SMYD3: variants seen among roughly 807,000 people sequenced by gnomAD.
SMYD3 encodes the protein SET and MYND domain containing 3, also known as histone-lysine N-methyltransferase SMYD3.
Under a neutral mutation model 57.7 loss-of-function variants are expected in SMYD3, and 36 were observed. That is an observed-to-expected ratio of 0.62 (90% CI 0.48 to 0.82). SMYD3 has a LOEUF of 0.82. Among genes scored for constraint, SMYD3 ranks in the 40% least tolerant of loss-of-function variants. The probability of loss-of-function intolerance (pLI) is 0.00; values close to 1 mark genes in which losing one functional copy is unlikely to be tolerated. For synonymous variants in SMYD3, 211 were observed against 195.0 expected, an observed-to-expected ratio of 1.08 and a Z score of -0.68; for missense variants, 515 against 538.8, an observed-to-expected ratio of 0.96 and a Z score of 0.44.
At chr1:246,420,192 G>C (rs1165155639) in intron 1 of SMYD3, among the ~76,000 whole-genome samples, 1 of 142,266 alleles carries the variant, frequency 7.0e-6, no homozygotes, top group Non-Finnish European at 1.5e-5. Context: ...GAGCAAGACT[G>C]TCTCAAAAAA....
At chr1:245,836,258 CA>C (rs1454845459) in intron 10 of SMYD3, among the ~76,000 whole-genome samples, 2 of 152,216 alleles carry the variant, frequency 1.3e-5, no homozygotes, top group Admixed American at 6.5e-5. Context: ...CAGTCCAAGA[CA>C]GCCTGGTTTC....
chr1:246,089,044 C>T (rs60057772), intron 5 of SMYD3, among the ~76,000 whole-genome samples: 11,777 of 152,076 alleles, frequency 0.077, 1,358 homozygotes, highest in African/African-American at 0.25. Context: ...AGTGCAGTGG[C>T]GTAAACACGG....
chr1:246,295,224 G>C (rs949169988), intron 5 of SMYD3, among the ~76,000 whole-genome samples: 12 of 152,074 alleles, frequency 7.9e-5, no homozygotes, highest in African/African-American at 2.9e-4. Context: ...ACGTTCTTTA[G>C]TGTCAGAGAC....
chr1:246,404,950 G>A (rs2066837297), intron 1 of SMYD3, among the ~76,000 whole-genome samples: 1 of 151,844 alleles, frequency 6.6e-6, no homozygotes, highest in Non-Finnish European at 1.5e-5. Flanking sequence ...CATTTATGAG[G>A]TACAGCATGA....
At chr1:246,313,231 T>C (rs1156974442) in intron 5 of SMYD3, among the ~76,000 whole-genome samples, 1 of 152,170 alleles carries the variant, frequency 6.6e-6, no homozygotes, top group African/African-American at 2.4e-5. Flanking sequence ...CCATAAAATC[T>C]TGGCCAAATG....
chr1:246,259,036 T>G (rs917131486), intron 5 of SMYD3, among the ~76,000 whole-genome samples: 1 of 152,230 alleles, frequency 6.6e-6, no homozygotes, highest in Non-Finnish European at 1.5e-5. Flanking sequence ...ATTTTTAAAT[T>G]TCTTAAGTGA....
intron 5 of SMYD3, among the ~76,000 whole-genome samples, chr1:246,105,798 T>C (rs1445532030): frequency 1.3e-5 from 2 of 152,174 alleles, no homozygotes; most frequent in Non-Finnish European, 2.9e-5. Context: ...GTTAATCAAA[T>C]GGGCACTGCC....
At position 246,335,576 on chromosome 1, in the gene SMYD3, C is replaced by T. The variant is rs560094113; in HGVS notation, c.229-102G>A. The T allele has an allele frequency of 1.8e-5, 15 of 820,540 alleles. No individual in the cohort carries two copies. In the South Asian group the frequency reaches 2.3e-4, roughly 13 times the overall value. 50.8% of individuals were successfully genotyped at this position (820,540 alleles called of 1,614,324 possible). ...GTCATAAACATTAAATTTTAATAGT[C>T]CAAATGTAACTGCACAATAGAAAAT... is the stretch of plus-strand genomic sequence containing the variant. On this transcript the variant is annotated intron_variant, in intron 2 of 11. Transcript: ENST00000490107.
At chr1:245,895,833 G>A (rs1368687845) in intron 8 of SMYD3, among the ~76,000 whole-genome samples, 1 of 152,226 alleles carries the variant, frequency 6.6e-6, no homozygotes, top group African/African-American at 2.4e-5. Flanking sequence ...TAACTCATAG[G>A]TGTCGTGGAG....
chr1:245,906,132 C>T (rs60226482), intron 8 of SMYD3, among the ~76,000 whole-genome samples: 2,198 of 152,188 alleles, frequency 0.014, 60 homozygotes, highest in African/African-American at 0.05. Flanking sequence ...CCAAAGAAAA[C>T]ATGGACAAAT....
chr1:245,790,542 C>T (rs1380776274), intron 10 of SMYD3, among the ~76,000 whole-genome samples: 1 of 152,208 alleles, frequency 6.6e-6, no homozygotes, highest in African/African-American at 2.4e-5. Context: ...AAACCAGGCA[C>T]ACAGTCAGCA....
chr1:246,094,918 G>A (rs1319828670), intron 5 of SMYD3, among the ~76,000 whole-genome samples: 3 of 152,018 alleles, frequency 2.0e-5, no homozygotes, highest in Non-Finnish European at 4.4e-5. Flanking sequence ...CCTCCATGGC[G>A]GACTTTCCTC....
intron 5 of SMYD3, among the ~76,000 whole-genome samples, chr1:246,298,215 G>C (rs1301625890): frequency 6.8e-6 from 1 of 147,658 alleles, no homozygotes; most frequent in Non-Finnish European, 1.5e-5. Context: ...AAGAGCAAGA[G>C]CACACTGAGG....
At chr1:246,431,055 G>T (rs1197333826) in intron 1 of SMYD3, among the ~76,000 whole-genome samples, 3 of 152,142 alleles carry the variant, frequency 2.0e-5, no homozygotes, top group Non-Finnish European at 2.9e-5. Context: ...TAGCAAGGAT[G>T]GGGTAGTCCA....
At chr1:246,384,046 A>T (rs1219625576) in intron 1 of SMYD3, among the ~76,000 whole-genome samples, 2 of 151,964 alleles carry the variant, frequency 1.3e-5, no homozygotes, top group African/African-American at 2.4e-5. Context: ...AACAACCATT[A>T]AAAAAAAGGA....
chr1:245,980,303 A>C (rs1217294236), intron 5 of SMYD3, among the ~76,000 whole-genome samples: 3 of 152,204 alleles, frequency 2.0e-5, no homozygotes, highest in Non-Finnish European at 2.9e-5. Context: ...AGGTAGTCAG[A>C]CATGCCTCGG....
rs925264698 is a variant in SMYD3, at chr1:246,202,824, C to T, written c.531+124377G>A. 6.6e-6 allele frequency among the ~76,000 whole-genome samples: 1 copy of T among 152,204 alleles called. No homozygotes were observed. Among genetic ancestry groups the T allele is most frequent in the Non-Finnish European group, 1.5e-5 (1 of 68,040 alleles). Reference sequence around the variant, plus strand: ...CAACCCAATCACTCCTCCACCTCTTCGCCCAGAAAATAAAGTCTGGAGGCT... The same window carrying T: ...CAACCCAATCACTCCTCCACCTCTTTGCCCAGAAAATAAAGTCTGGAGGCT... On this transcript the variant is annotated intron_variant, in intron 5 of 11. Coordinates refer to ENST00000490107, the MANE Select transcript of SMYD3 (RefSeq NM_001167740.2). This position sits in a 1 kb window ranked among gnomAD's most constrained non-coding sequence, Gnocchi z 4.1.
In SMYD3 at chr1:246,507,094, T is replaced by A; in HGVS notation, c.124A>T (p.Lys42Ter). The A allele has an allele frequency of 1.3e-6, 2 of 1,528,168 alleles. No homozygotes were observed. The highest frequency in any genetic ancestry group is 1.8e-6 in the Non-Finnish European group (2 of 1,137,812). The allele number at this position is 1,528,168 out of a possible 1,614,324, so 94.7% of individuals were successfully genotyped here. ...TCGCAGACGACGCCACGACTCCCCTTGCACACCGTGTACGCCAAGGGATCC... is the reference window on the plus strand; with the variant it reads ...TCGCAGACGACGCCACGACTCCCCTAGCACACCGTGTACGCCAAGGGATCC... ...RSDPLAYTVC[K>*]GSRGVVCDRC... The change falls in exon 1 of 12, where the codon AAG (lysine) becomes TAG (stop). Residue 42 changes from lysine to a stop codon, truncating the protein, a stop_gained. Coordinates refer to ENST00000490107, the MANE Select transcript of SMYD3 (RefSeq NM_001167740.2). LOFTEE classifies it high-confidence loss of function.
chr1:246,273,741 C>T (rs1293171388), intron 5 of SMYD3, among the ~76,000 whole-genome samples: 2 of 151,580 alleles, frequency 1.3e-5, no homozygotes, highest in Admixed American at 6.6e-5. Context: ...CCCACTATCA[C>T]ACCCTGCTAA....
Sources: gnomAD v4.1 joint callset for allele counts (sites outside exome capture counted in the v4.1 genomes callset) on GRCh38, gnomAD v4.1.1 for gene constraint, Gnocchi (gnomAD v3.1) non-coding constraint, MANE v1.5 for transcripts, NCBI Gene and HGNC (gene_info 2026-07-23, HGNC 2026-07-21) for gene names.